Variants in NEMP2 observed in about 807,000 individuals in gnomAD.
NEMP2 encodes the protein nuclear envelope integral membrane protein 2, also known as UPF0571 transmembrane protein.
In NEMP2, 53 loss-of-function variants were observed where a neutral mutation model predicts 54.2. The observed-to-expected ratio is 0.98, with a 90% CI of 0.78 to 1.23. The LOEUF (loss-of-function observed/expected upper bound fraction) is 1.23, where lower values mean the gene tolerates loss of function less well. Among genes scored for constraint, NEMP2 ranks in the 50% most tolerant of loss-of-function variants. The pLI is 0.00. For missense variants in NEMP2, 455 were observed against 511.3 expected (o/e 0.89, Z 1.06); for synonymous variants, 197 against 190.3 (o/e 1.04, Z -0.29).
rs889754072 is a variant in NEMP2 at position 190,521,552 on chromosome 2, C to T, written c.214-2369G>A. ...CTGTGGACTCCACTTTTCCCTCCAA[C>T]TACCACCCATTTCTTTGCTTCTTGT... is the stretch of plus-strand genomic sequence containing the variant. On this transcript the variant is annotated intron_variant, in intron 2 of 8. Transcript: ENST00000409150. This position sits in a 1 kb window ranked among gnomAD's most constrained non-coding sequence, Gnocchi z 6.2. Among the ~76,000 whole-genome samples, 5 of 152,222 alleles carry T rather than the reference C, an allele frequency of 3.3e-5. No individual in the cohort carries two copies. Among genetic ancestry groups the T allele is most frequent in the Admixed American group, 1.3e-4 (2 of 15,280 alleles).
At chr2:190,469,909 T>C in the NEMP2 span, 1 of 1,344,558 alleles carries the variant, frequency 7.4e-7, no homozygotes, top group South Asian at 1.2e-5. This position sits in a 1 kb window ranked among gnomAD's most constrained non-coding sequence, Gnocchi z 5.3. Flanking sequence ...GAGCTGTGGC[T>C]AAAAGCCCAG....
rs929526168 is a variant in NEMP2 at position 190,525,750 on chromosome 2, A to C, written c.98-372T>G. 1.3e-5 allele frequency among the ~76,000 whole-genome samples: 2 copies of C among 152,210 alleles called. No individual in the cohort carries two copies. Among genetic ancestry groups the C allele is most frequent in the African/African-American group, 4.8e-5 (2 of 41,460 alleles). On this transcript the variant is annotated intron_variant, in intron 1 of 8. Coordinates refer to ENST00000409150, the MANE Select transcript of NEMP2 (RefSeq NM_001142645.2). The surrounding 1 kb of genome is among the most constrained non-coding windows in gnomAD (Gnocchi z 5.0). ...CTAGGAGGTGGGAGTGGGGGTGGGC[A>C]GAACCAGCAAGTATGTACAGAATCA...
chr2:190,560,607 A>G, the NEMP2 span, among the ~76,000 whole-genome samples: 1 of 152,242 alleles, frequency 6.6e-6, no homozygotes, highest in Non-Finnish European at 1.5e-5. This position sits in a 1 kb window ranked among gnomAD's most constrained non-coding sequence, Gnocchi z 5.4. Context: ...CTGAACCAAT[A>G]TGCCACTTGA....
Position 190,529,417 on chromosome 2 carries a change from G to T in NEMP2, c.98-4039C>A, listed in dbSNP as rs1293499705. Reference sequence around the variant, plus strand: ...CCACATAAAGTTTCCTCAGTCTGCTGCAACCTTCTTCTCCCAGATCTTGGC... The same window carrying T: ...CCACATAAAGTTTCCTCAGTCTGCTTCAACCTTCTTCTCCCAGATCTTGGC... On this transcript the variant is annotated intron_variant, in intron 1 of 8. Transcript: ENST00000409150. This position sits in a 1 kb window ranked among gnomAD's most constrained non-coding sequence, Gnocchi z 4.7. Among the ~76,000 whole-genome samples, 1 of 152,024 alleles carries T rather than the reference G, an allele frequency of 6.6e-6. No individual in the cohort carries two copies. The highest frequency in any genetic ancestry group is 2.4e-5 in the African/African-American group (1 of 41,354).
chr2:190,481,272 A>C, the NEMP2 span, among the ~76,000 whole-genome samples: 1 of 152,242 alleles, frequency 6.6e-6, no homozygotes, highest in Non-Finnish European at 1.5e-5. Flanking sequence ...TTGTTACATC[A>C]GTTATAGACT....
chr2:190,534,536 C>A, intron 1 of NEMP2, 23 bp downstream of exon 1: 1 of 1,385,250 alleles, frequency 7.2e-7, no homozygotes, highest in Non-Finnish European at 9.3e-7. Context: ...ACGCGCGCGC[C>A]GCCGCCGCCG....
At chr2:190,635,178 G>C in the NEMP2 span, among the ~76,000 whole-genome samples, 8 of 152,158 alleles carry the variant, frequency 5.3e-5, no homozygotes, top group South Asian at 4.1e-4. The surrounding 1 kb of genome is among the most constrained non-coding windows in gnomAD (Gnocchi z 4.1). Flanking sequence ...GCATTTGCAA[G>C]TTTTTAACCT....
At chr2:190,463,776 C>A in the NEMP2 span, 2 of 648,302 alleles carry the variant, frequency 3.1e-6, no homozygotes, top group South Asian at 1.4e-4. The surrounding 1 kb of genome is among the most constrained non-coding windows in gnomAD (Gnocchi z 4.4). Context: ...GCTGTGATGA[C>A]GCTACTGCAC....
At chr2:190,475,273 T>C in the NEMP2 span, among the ~76,000 whole-genome samples, 2 of 152,162 alleles carry the variant, frequency 1.3e-5, no homozygotes, top group African/African-American at 4.8e-5. Flanking sequence ...GGAAGTCAAA[T>C]TATCCCTGTT....
the NEMP2 span, among the ~76,000 whole-genome samples, chr2:190,448,887 T>C: frequency 2.0e-5 from 3 of 152,340 alleles, no homozygotes; most frequent in African/African-American, 7.2e-5. Flanking sequence ...TTGAAACCCA[T>C]GTGTCCTTAC....
chr2:190,566,687 G>A, the NEMP2 span, among the ~76,000 whole-genome samples: 1 of 147,988 alleles, frequency 6.8e-6, no homozygotes, highest in African/African-American at 2.5e-5. Context: ...GAGGAAGAAG[G>A]AAGGAAGGAG....
At chr2:190,457,273 C>T in the NEMP2 span, among the ~76,000 whole-genome samples, 1 of 152,190 alleles carries the variant, frequency 6.6e-6, no homozygotes, top group Non-Finnish European at 1.5e-5. This position sits in a 1 kb window ranked among gnomAD's most constrained non-coding sequence, Gnocchi z 5.1. Flanking sequence ...TGGCCCTCTC[C>T]TTCCTTGTCT....
chr2:190,426,744 A>C, the NEMP2 span, among the ~76,000 whole-genome samples: 251 of 151,868 alleles, frequency 1.7e-3, 2 homozygotes, highest in African/African-American at 5.8e-3. The surrounding 1 kb of genome is among the most constrained non-coding windows in gnomAD (Gnocchi z 4.7). Flanking sequence ...GCCTTTCTCC[A>C]TTCAGTTTGA....
At position 190,525,278 on chromosome 2, in the gene NEMP2, T is replaced by A. The variant is rs1690892245; in HGVS notation, c.198A>T (p.Ile66=). 2 of 1,541,966 alleles carry A rather than the reference T, an allele frequency of 1.3e-6. No individual in the cohort carries two copies. Among genetic ancestry groups the A allele is most frequent in the Non-Finnish European group, 8.8e-7 (1 of 1,138,346 alleles). ...AGGCCCTTACCTGCATAGTTGACCATATGTATTTCCACTCCACTTGGGAAT... is the reference window on the plus strand; with the variant it reads ...AGGCCCTTACCTGCATAGTTGACCAAATGTATTTCCACTCCACTTGGGAAT... ...NQNSQVEWKY[I]WSTMQVKITS... Residue 66 remains isoleucine, a synonymous_variant, in exon 2 of 9, where the codon ATA becomes ATT. Coordinates refer to ENST00000409150, the MANE Select transcript of NEMP2 (RefSeq NM_001142645.2). This position sits in a 1 kb window ranked among gnomAD's most constrained non-coding sequence, Gnocchi z 5.0.
chr2:190,439,000 A>AT, the NEMP2 span, among the ~76,000 whole-genome samples: 4 of 152,136 alleles, frequency 2.6e-5, no homozygotes, highest in South Asian at 8.3e-4. This position sits in a 1 kb window ranked among gnomAD's most constrained non-coding sequence, Gnocchi z 5.2. Flanking sequence ...CTGTGTGGAT[A>AT]TTTCCTGGAC....
the NEMP2 span, among the ~76,000 whole-genome samples, chr2:190,432,421 T>G: frequency 6.6e-6 from 1 of 152,116 alleles, no homozygotes; most frequent in Non-Finnish European, 1.5e-5. Flanking sequence ...TTCTTGTTTG[T>G]TTTTGTTTTT....
At chr2:190,433,795 A>G in the NEMP2 span, among the ~76,000 whole-genome samples, 1 of 152,228 alleles carries the variant, frequency 6.6e-6, no homozygotes, top group Admixed American at 6.5e-5. This position sits in a 1 kb window ranked among gnomAD's most constrained non-coding sequence, Gnocchi z 4.5. Flanking sequence ...TTACAAGTAT[A>G]ATTTTAGAAG....
chr2:190,527,888 G>A lies in NEMP2; in HGVS notation c.98-2510C>T, dbSNP rs1038270356. ...TAACTAATGCCTGATGATCTGAGGT[G>A]GAACAGTTTCATCCCAAAACCACCC... On this transcript the variant is annotated intron_variant, in intron 1 of 8. Transcript: ENST00000409150. This position sits in a 1 kb window ranked among gnomAD's most constrained non-coding sequence, Gnocchi z 4.0. Among the ~76,000 whole-genome samples the A allele has an allele frequency of 9.9e-5, 15 of 152,100 alleles. No individual in the cohort carries two copies. The highest frequency in any genetic ancestry group is 3.1e-4 in the African/African-American group (13 of 41,392).
the NEMP2 span, among the ~76,000 whole-genome samples, chr2:190,631,670 A>G: frequency 6.6e-6 from 1 of 152,212 alleles, no homozygotes; most frequent in African/African-American, 2.4e-5. Context: ...CTTTATTGTT[A>G]TAGTCATGAC....
Sources: allele counts gnomAD v4.1 joint callset (sites outside exome capture counted in the v4.1 genomes callset), GRCh38; gene constraint gnomAD v4.1.1; non-coding constraint Gnocchi (gnomAD v3.1); transcripts MANE v1.5; gene names NCBI Gene and HGNC (gene_info 2026-07-23, HGNC 2026-07-21).